Variants in GDI2 observed in about 807,000 individuals in gnomAD.
The protein encoded by GDI2 is GDP dissociation inhibitor 2, also known as rab GDP dissociation inhibitor beta.
A neutral mutation model predicts 54.2 loss-of-function variants in GDI2; 22 were observed. That is an observed-to-expected ratio of 0.41 (90% confidence interval 0.29 to 0.58). GDI2 has a LOEUF of 0.58. Ranked by LOEUF, GDI2 falls within the 20% of genes least tolerant of loss-of-function variation. The pLI is 0.35. For missense variants in GDI2, 422 were observed against 546.0 expected (o/e 0.77, Z 2.26); for synonymous variants, 177 against 182.1 (o/e 0.97, Z 0.23).
chr10:5,813,224 G>C lies in GDI2; in HGVS notation c.35C>G (p.Thr12Ser). ...NEEYDVIVLG[T>S]GLTECILSGI... ...AGCCCTGGCGCCCACCGTCAGGCCG[G>C]TGCCCAGCACGATCACGTCGTACTC... The change falls in exon 1 of 11, where the codon ACC (threonine) becomes AGC (serine). Residue 12 changes from threonine to serine, a missense_variant. Thr to Ser is a moderately conservative substitution (Grantham distance 58). Transcript: ENST00000380191. The C allele has an allele frequency of 1.3e-6, 2 of 1,590,232 alleles. No homozygotes were observed. Among genetic ancestry groups the C allele is most frequent in the African/African-American group, 1.4e-5 (1 of 73,618 alleles).
intron 6 of GDI2, among the ~76,000 whole-genome samples, chr10:5,781,020 A>G (rs1479231831): frequency 6.6e-6 from 1 of 152,186 alleles, no homozygotes; most frequent in African/African-American, 2.4e-5. Flanking sequence ...CAGACAGTGT[A>G]GTACTGGCAT....
At chr10:5,781,434 C>T (rs2380202) in intron 6 of GDI2, among the ~76,000 whole-genome samples, 50,524 of 151,380 alleles carry the variant, frequency 0.33, 8,814 homozygotes, top group Non-Finnish European at 0.38. Flanking sequence ...GACACCATCC[C>T]GGCTAACAGT....
At chr10:5,778,511 A>G (rs558845324) in intron 6 of GDI2, among the ~76,000 whole-genome samples, 2 of 152,366 alleles carry the variant, frequency 1.3e-5, no homozygotes, top group South Asian at 4.1e-4. Flanking sequence ...TTGCACTACT[A>G]ATGATCACCT....
In GDI2 at chr10:5,766,035, T is replaced by TGCGC; in HGVS notation, c.1305_1308dup (p.Lys437AlafsTer5). The TGCGC allele has an allele frequency of 1.3e-6, 2 of 1,588,708 alleles. No homozygotes were observed. Among genetic ancestry groups the TGCGC allele is most frequent in the Non-Finnish European group, 1.7e-6 (2 of 1,173,114 alleles). On this transcript the variant is annotated frameshift_variant, in exon 11 of 11. Transcript: ENST00000380191. LOFTEE classifies it high-confidence loss of function. The surrounding 1 kb of genome is among the most constrained non-coding windows in gnomAD (Gnocchi z 5.8). ...TCTTCCCCATAGATGTCATTCTTCT[T>TGCGC]GCGCTTCATTTCCTCAAAGTCAAAC...
chr10:5,768,952 G>A lies in GDI2; in HGVS notation c.820-568C>T, dbSNP rs1478178477. On this transcript the variant is annotated intron_variant, in intron 7 of 10. Coordinates refer to ENST00000380191, the MANE Select transcript of GDI2 (RefSeq NM_001494.4). The surrounding 1 kb of genome is among the most constrained non-coding windows in gnomAD (Gnocchi z 4.4). ...TAAAACCAAAGACACAGGCAACAAA[G>A]GAAAGAATTCATGAAAACAGGATTT... 6.6e-6 allele frequency: 1 copy of A among 152,146 alleles called. No individual in the cohort carries two copies. The highest frequency in any genetic ancestry group is 1.5e-5 in the Non-Finnish European group (1 of 68,032). 9.4% of individuals were successfully genotyped at this position (152,146 alleles called of 1,614,324 possible).
intron 6 of GDI2, among the ~76,000 whole-genome samples, chr10:5,780,609 T>C (rs1840734846): frequency 6.6e-6 from 1 of 152,238 alleles, no homozygotes; most frequent in East Asian, 1.9e-4. Flanking sequence ...TACATTTCTG[T>C]ATACCAGCAG....
intron 7 of GDI2, among the ~76,000 whole-genome samples, chr10:5,773,523 G>A (rs1219696851): frequency 6.6e-6 from 1 of 152,152 alleles, no homozygotes; most frequent in Non-Finnish European, 1.5e-5. Context: ...CCCCACCCGT[G>A]TAGGTGGCCT....
chr10:5,799,378 G>A (rs1251225987), intron 2 of GDI2, among the ~76,000 whole-genome samples: 3 of 152,166 alleles, frequency 2.0e-5, no homozygotes, highest in Non-Finnish European at 2.9e-5. Context: ...GCGCTCGGGC[G>A]TGGTGGCTCA....
chr10:5,790,175 G>A (rs1448601881), intron 4 of GDI2, among the ~76,000 whole-genome samples: 1 of 152,132 alleles, frequency 6.6e-6, no homozygotes, highest in African/African-American at 2.4e-5. Context: ...TCAGGTCTGC[G>A]GCTGCAGTTG....
intron 1 of GDI2, among the ~76,000 whole-genome samples, chr10:5,805,975 G>A (rs867321468): frequency 5.9e-5 from 9 of 152,150 alleles, no homozygotes; most frequent in Non-Finnish European, 1.3e-4. Context: ...TGGATATTTG[G>A]ATAGTTTCCA....
At chr10:5,786,242 C>G (rs1196042950) in intron 4 of GDI2, among the ~76,000 whole-genome samples, 192 bp from the exon 5 acceptor site, 1 of 141,120 alleles carries the variant, frequency 7.1e-6, no homozygotes, top group African/African-American at 2.7e-5. Context: ...GCAATCTCAG[C>G]TCACTGCAAC....
At chr10:5,794,080 C>T (rs1190374821) in intron 4 of GDI2, among the ~76,000 whole-genome samples, 2 of 150,066 alleles carry the variant, frequency 1.3e-5, no homozygotes, top group Non-Finnish European at 3.0e-5. Context: ...AGGAGAATCG[C>T]TTGAACCTGG....
In GDI2 at chr10:5,805,479, C is replaced by T. The variant is rs188833349; in HGVS notation, c.46-4774G>A. Among the ~76,000 whole-genome samples, 4 of 151,882 alleles carry T rather than the reference C, an allele frequency of 2.6e-5. No homozygotes were observed. In the East Asian group the frequency reaches 7.8e-4, roughly 29 times the overall value. On this transcript the variant is annotated intron_variant, in intron 1 of 10. Coordinates refer to ENST00000380191, the MANE Select transcript of GDI2 (RefSeq NM_001494.4). Reference sequence around the variant, plus strand: ...TCACTGCAGCCTCAACCTCCAGGCTCAAGAGATCCTCTAACCTCAGCCTCC... The same window carrying T: ...TCACTGCAGCCTCAACCTCCAGGCTTAAGAGATCCTCTAACCTCAGCCTCC...
chr10:5,796,837 C>T lies in GDI2; in HGVS notation c.179G>A (p.Gly60Glu), dbSNP rs748784089. ...TCTCCCCATTGACTCGGGTGGTGAT[C>T]CTGGTATTTTAAATCTTTTGTATAA... ...EDLYKRFKIP[G>E]SPPESMGRGR... Residue 60 changes from glycine (G) to glutamate (E), a missense_variant, in exon 3 of 11, where the codon GGA (glycine) becomes GAA (glutamate). Transcript: ENST00000380191. 37 of 1,578,626 alleles carry T rather than the reference C, an allele frequency of 2.3e-5. No homozygotes were observed. The South Asian group carries it at 3.8e-4, about 16-fold the overall frequency.
chr10:5,775,650 G>C (rs1019240259), intron 6 of GDI2, among the ~76,000 whole-genome samples: 13 of 152,170 alleles, frequency 8.5e-5, no homozygotes, highest in African/African-American at 2.9e-4. Context: ...ACACAGGAGG[G>C]AAAAGCGAAG....
In GDI2 at chr10:5,774,351, G is replaced by A. The variant is rs181634746; in HGVS notation, c.720-410C>T. On this transcript the variant is annotated intron_variant, in intron 6 of 10. Transcript: ENST00000380191. The surrounding 1 kb of genome is among the most constrained non-coding windows in gnomAD (Gnocchi z 4.8). Reference sequence around the variant, plus strand: ...AACTGAGGTTGCTGCAGACCCGTACGGATTCATCTCAGCACGGTAACATAT... The same window carrying A: ...AACTGAGGTTGCTGCAGACCCGTACAGATTCATCTCAGCACGGTAACATAT... Among the ~76,000 whole-genome samples the A allele has an allele frequency of 4.2e-3, 639 of 152,170 alleles. 3 individuals are homozygous for A. Among genetic ancestry groups the A allele is most frequent in the Middle Eastern group, 6.8e-3 (2 of 294 alleles).
At chr10:5,786,839 TA>T (rs760751031) in intron 4 of GDI2, among the ~76,000 whole-genome samples, 1 of 152,228 alleles carries the variant, frequency 6.6e-6, no homozygotes, top group South Asian at 2.1e-4. Context: ...TTGACCTCGA[TA>T]AAATTTCGAT....
At chr10:5,799,426 CA>C (rs1841218389) in intron 2 of GDI2, among the ~76,000 whole-genome samples, 1 of 151,932 alleles carries the variant, frequency 6.6e-6, no homozygotes. Flanking sequence ...CCAAGGCAGA[CA>C]GATCACATGA....
At chr10:5,778,013 T>C (rs1017906143) in intron 6 of GDI2, among the ~76,000 whole-genome samples, 10 of 152,188 alleles carry the variant, frequency 6.6e-5, no homozygotes, top group Non-Finnish European at 1.3e-4. Context: ...GAAACCATCA[T>C]TCTCAGTTAA....
Sources: gnomAD v4.1 joint callset for allele counts (sites outside exome capture counted in the v4.1 genomes callset) on GRCh38, gnomAD v4.1.1 for gene constraint, Gnocchi (gnomAD v3.1) non-coding constraint, MANE v1.5 for transcripts, NCBI Gene and HGNC (gene_info 2026-07-23, HGNC 2026-07-21) for gene names.